Variants in UNC13C observed in about 807,000 individuals in gnomAD.
UNC13C encodes the protein unc-13 homolog C, also known as protein unc-13 homolog C.
UNC13C carries 174 observed loss-of-function variants against 245.4 expected under a neutral mutation model. The ratio of observed to expected loss-of-function variants is 0.71; its 90% CI spans 0.63 to 0.80. UNC13C has a LOEUF of 0.80. UNC13C is among the 30% of genes least tolerant of loss of function. The pLI, the probability that UNC13C is intolerant of heterozygous loss-of-function variation, is 0.00. For missense variants in UNC13C, 2,829 were observed against 2,602.9 expected (o/e 1.09, Z -1.89); for synonymous variants, 992 against 895.1 (o/e 1.11, Z -1.93).
chr15:54,332,732 G>T (rs2038471989), intron 15 of UNC13C, among the ~76,000 whole-genome samples: 1 of 152,020 alleles, frequency 6.6e-6, no homozygotes, highest in South Asian at 2.1e-4. Context: ...ACAAATTTTA[G>T]TTATAAAATG....
chr15:53,858,016 A>G, the UNC13C span, among the ~76,000 whole-genome samples: 7 of 152,368 alleles, frequency 4.6e-5, no homozygotes, highest in African/African-American at 1.7e-4. Flanking sequence ...AATTTGGAAC[A>G]TGTTATTAAA....
At chr15:54,618,571 T>TTCAACC (rs1900594316) in intron 30 of UNC13C, among the ~76,000 whole-genome samples, 2 of 9,388 alleles carry the variant, frequency 2.1e-4, no homozygotes, top group African/African-American at 0.01. Context: ...ATATCCTGTG[T>TTCAACC]TCAAAGTGCT....
At chr15:54,115,687 A>G (rs1373512145) in intron 2 of UNC13C, among the ~76,000 whole-genome samples, 1 of 152,170 alleles carries the variant, frequency 6.6e-6, no homozygotes, top group Non-Finnish European at 1.5e-5. Context: ...CTTAAAAGGC[A>G]GTATCAATCA....
chr15:53,898,276 A>G, the UNC13C span, among the ~76,000 whole-genome samples: 1 of 152,168 alleles, frequency 6.6e-6, no homozygotes, highest in Non-Finnish European at 1.5e-5. Context: ...TTTTTAAACC[A>G]GTCATGCTTA....
At chr15:54,338,537 A>T (rs1294327074) in intron 17 of UNC13C, 48 bp downstream of exon 17, 1 of 1,598,124 alleles carries the variant, frequency 6.3e-7, no homozygotes, top group Non-Finnish European at 8.6e-7. Context: ...TGTTTCTAGT[A>T]TCTGTTTCCA....
rs1182475733 is a variant in UNC13C, at chr15:54,366,104, C to T, written c.4714-26944C>T. 2.0e-5 allele frequency among the ~76,000 whole-genome samples: 3 copies of T among 152,056 alleles called. No individual in the cohort carries two copies. In the East Asian group the frequency reaches 5.8e-4, roughly 29 times the overall value. ...TTATGTCCTATTTTTATTAATGACT[C>T]CCTTTAAATTACAGCATCTCTCTGT... is the stretch of plus-strand genomic sequence containing the variant. On this transcript the variant is annotated intron_variant, in intron 17 of 32. Transcript: ENST00000260323.
chr15:53,968,865 A>G, the UNC13C span, among the ~76,000 whole-genome samples: 1 of 152,210 alleles, frequency 6.6e-6, no homozygotes, highest in South Asian at 2.1e-4. Context: ...TTTGAAAACC[A>G]GCAGATTTAA....
intron 26 of UNC13C, among the ~76,000 whole-genome samples, chr15:54,534,875 C>A (rs753226778): frequency 6.6e-6 from 1 of 152,128 alleles, no homozygotes; most frequent in Non-Finnish European, 1.5e-5. Flanking sequence ...AAATTTGTTA[C>A]CCTAGACCTG....
chr15:54,616,850 C>G (rs1193428231), intron 30 of UNC13C, among the ~76,000 whole-genome samples: 3 of 152,024 alleles, frequency 2.0e-5, no homozygotes, highest in Non-Finnish European at 4.4e-5. Flanking sequence ...GCCAGGGCAA[C>G]TTTCAATCCC....
At chr15:54,291,257 A>G (rs189796964) in intron 10 of UNC13C, among the ~76,000 whole-genome samples, 82 of 152,086 alleles carry the variant, frequency 5.4e-4, no homozygotes, top group African/African-American at 1.3e-3. Context: ...TACTATTCCA[A>G]CTGCTCTCCA....
chr15:54,043,592 A>T (rs548725911), intron 2 of UNC13C, among the ~76,000 whole-genome samples: 4 of 152,264 alleles, frequency 2.6e-5, no homozygotes, highest in South Asian at 4.1e-4. Flanking sequence ...ACATCCAGCC[A>T]TTTGGGGTGA....
chr15:54,072,805 G>A lies in UNC13C; in HGVS notation c.2983+56919G>A, dbSNP rs181385644. ...CTTGTAGGTATAATTATATAACTGA[G>A]TAATGAATTTACTAACCAAACCTTG... On this transcript the variant is annotated intron_variant, in intron 2 of 32. Transcript: ENST00000260323. Among the ~76,000 whole-genome samples the A allele has an allele frequency of 3.3e-3, 505 of 152,214 alleles. 1 individual carries two copies. The highest frequency in any genetic ancestry group is 5.0e-3 in the Non-Finnish European group (341 of 68,004).
At chr15:54,482,177 A>T (rs1160203163) in intron 19 of UNC13C, among the ~76,000 whole-genome samples, 1 of 152,132 alleles carries the variant, frequency 6.6e-6, no homozygotes, top group African/African-American at 2.4e-5. Context: ...GTGTCCAGCT[A>T]GTGTCATGAT....
intron 25 of UNC13C, among the ~76,000 whole-genome samples, chr15:54,528,676 C>A (rs1031347455): frequency 6.6e-6 from 1 of 151,926 alleles, no homozygotes; most frequent in Non-Finnish European, 1.5e-5. Context: ...AAAAGAAAAT[C>A]AGTGCAAAAT....
chr15:54,298,860 T>A (rs925823942), intron 12 of UNC13C, among the ~76,000 whole-genome samples: 1 of 152,184 alleles, frequency 6.6e-6, no homozygotes, highest in African/African-American at 2.4e-5. Flanking sequence ...AAAAGACAAC[T>A]GAAAGATAGT....
intron 30 of UNC13C, among the ~76,000 whole-genome samples, chr15:54,613,893 G>A (rs1434633285): frequency 6.6e-6 from 1 of 151,898 alleles, no homozygotes; most frequent in East Asian, 1.9e-4. Context: ...TTTCCGTTAT[G>A]GAGCTTATAT....
chr15:54,107,627 T>C (rs946318640), intron 2 of UNC13C, among the ~76,000 whole-genome samples: 8 of 152,218 alleles, frequency 5.3e-5, no homozygotes, highest in Admixed American at 2.0e-4. Flanking sequence ...TGGACTTCAA[T>C]TGATGCTGCT....
chr15:54,037,880 G>A (rs1457682288), intron 2 of UNC13C, among the ~76,000 whole-genome samples: 1 of 146,252 alleles, frequency 6.8e-6, no homozygotes, highest in Non-Finnish European at 1.5e-5. Context: ...ATAAAATTTA[G>A]CAAATATATG....
intron 4 of UNC13C, among the ~76,000 whole-genome samples, chr15:54,197,418 A>G (rs916512455): frequency 5.3e-5 from 8 of 151,952 alleles, no homozygotes; most frequent in African/African-American, 1.9e-4. Flanking sequence ...AGCCAAGATC[A>G]CACCACTGCA....
Sources: gnomAD v4.1 joint callset for allele counts (sites outside exome capture counted in the v4.1 genomes callset) on GRCh38, gnomAD v4.1.1 for gene constraint, MANE v1.5 for transcripts, NCBI Gene and HGNC (gene_info 2026-07-23, HGNC 2026-07-21) for gene names.